Variants in NEBL observed in about 807,000 individuals in gnomAD.
NEBL encodes nebulette.
NEBL carries 122 observed loss-of-function variants against 140.2 expected under a neutral mutation model. That is an observed-to-expected ratio of 0.87 (90% CI 0.75 to 1.01). The LOEUF is 1.01. Among genes scored for constraint, NEBL ranks in the 50% least tolerant of loss-of-function variants. The probability of loss-of-function intolerance (pLI) is 0.00; values close to 1 mark genes in which losing one functional copy is unlikely to be tolerated. For missense variants in NEBL, 1,365 were observed against 1,231.3 expected, an observed-to-expected ratio of 1.11 and a Z score of -1.62; for synonymous variants, 436 against 398.9, an observed-to-expected ratio of 1.09 and a Z score of -1.11.
chr10:21,185,657 T>A (rs554675005), intron 3 of NEBL, among the ~76,000 whole-genome samples: 2 of 151,564 alleles, frequency 1.3e-5, no homozygotes, highest in Non-Finnish European at 2.9e-5. Context: ...CCACCACACC[T>A]GGCTAATTTT....
At chr10:20,862,159 C>T (rs788991) in intron 7 of NEBL, among the ~76,000 whole-genome samples, 138,815 of 152,228 alleles carry the variant, frequency 0.91, 64,206 homozygotes, top group Non-Finnish European at 1. Flanking sequence ...CAGTCTTAAA[C>T]TGAACCACTA....
intron 4 of NEBL, among the ~76,000 whole-genome samples, chr10:20,946,418 C>G (rs1277945308): frequency 1.3e-5 from 2 of 152,110 alleles, no homozygotes; most frequent in African/African-American, 4.8e-5. Context: ...ATTTCTTGAG[C>G]CAGGAGTAGC....
chr10:20,935,409 T>A (rs1462804666), intron 4 of NEBL, among the ~76,000 whole-genome samples: 2 of 152,184 alleles, frequency 1.3e-5, no homozygotes, highest in Non-Finnish European at 2.9e-5. Context: ...CATCTCTTCA[T>A]CGAATTCACT....
chr10:20,836,712 G>A (rs184130959), intron 13 of NEBL, among the ~76,000 whole-genome samples: 101 of 152,188 alleles, frequency 6.6e-4, no homozygotes, highest in African/African-American at 2.3e-3. Context: ...ACTGTGAGGT[G>A]GGAAGCACTC....
chr10:21,262,632 T>C (rs1842753618), intron 1 of NEBL, among the ~76,000 whole-genome samples: 1 of 152,204 alleles, frequency 6.6e-6, no homozygotes, highest in South Asian at 2.1e-4. Context: ...AAGGTCACAA[T>C]TTTTAAAAGA....
intron 2 of NEBL, among the ~76,000 whole-genome samples, chr10:21,137,464 G>A (rs1185638588): frequency 6.6e-6 from 1 of 152,170 alleles, no homozygotes; most frequent in Non-Finnish European, 1.5e-5. Context: ...GTTTTGCCCT[G>A]GGCAAGTAGA....
intron 1 of NEBL, among the ~76,000 whole-genome samples, chr10:21,285,985 T>C (rs1436001774): frequency 1.3e-5 from 2 of 152,226 alleles, no homozygotes; most frequent in Admixed American, 6.5e-5. Flanking sequence ...CCACATTCCA[T>C]GCGGGGCTCA....
chr10:21,095,887 T>C (rs1837164087), intron 2 of NEBL, among the ~76,000 whole-genome samples: 1 of 152,196 alleles, frequency 6.6e-6, no homozygotes, highest in Non-Finnish European at 1.5e-5. Flanking sequence ...TAAGAAAACC[T>C]GGGTTCTGAG....
At chr10:20,990,878 C>T (rs73607568) in intron 3 of NEBL, among the ~76,000 whole-genome samples, 1,719 of 152,262 alleles carry the variant, frequency 0.011, 33 homozygotes, top group African/African-American at 0.04. Context: ...TTTCTCATTA[C>T]CAATCTGACT....
chr10:21,116,993 T>C (rs1838313860), intron 2 of NEBL, among the ~76,000 whole-genome samples: 2 of 152,092 alleles, frequency 1.3e-5, no homozygotes, highest in Admixed American at 6.6e-5. Flanking sequence ...TAATTTTTAT[T>C]GGATTTCAGA....
intron 2 of NEBL, among the ~76,000 whole-genome samples, chr10:21,035,421 C>T (rs771475428): frequency 1.3e-5 from 2 of 152,008 alleles, no homozygotes; most frequent in East Asian, 1.9e-4. Flanking sequence ...ACTGTGACCC[C>T]GACTATTCTC....
At chr10:21,029,541 T>C in intron 2 of NEBL, 2 of 1,607,524 alleles carry the variant, frequency 1.2e-6, no homozygotes, top group Non-Finnish European at 1.7e-6. Flanking sequence ...ACAGGGACGA[T>C]CGTTCTTTTG....
intron 26 of NEBL, among the ~76,000 whole-genome samples, chr10:20,801,557 G>T (rs1429510759): frequency 6.6e-6 from 1 of 152,008 alleles, no homozygotes; most frequent in East Asian, 1.9e-4. Flanking sequence ...TGAGCACAAT[G>T]GTTTTATGCA....
At chr10:21,151,619 G>A (rs891062814) in intron 2 of NEBL, among the ~76,000 whole-genome samples, 12 of 152,140 alleles carry the variant, frequency 7.9e-5, no homozygotes, top group Admixed American at 5.9e-4. Context: ...CCCTGTAATG[G>A]TTTACAGGCC....
At chr10:21,070,438 A>AT (rs1365122658) in intron 2 of NEBL, among the ~76,000 whole-genome samples, 1 of 152,102 alleles carries the variant, frequency 6.6e-6, no homozygotes, top group East Asian at 1.9e-4. Flanking sequence ...TCACGTATGT[A>AT]TTTTTTCATT....
intron 4 of NEBL, among the ~76,000 whole-genome samples, chr10:20,883,812 T>C (rs1436456395): frequency 6.6e-6 from 1 of 152,250 alleles, no homozygotes; most frequent in Non-Finnish European, 1.5e-5. Context: ...TGTAATTTTC[T>C]ACTTGCAGCA....
At chr10:20,995,385 C>T (rs1287510597) in intron 3 of NEBL, among the ~76,000 whole-genome samples, 1 of 152,104 alleles carries the variant, frequency 6.6e-6, no homozygotes. Context: ...GTCACCTTTT[C>T]GGTGCAGGAC....
At chr10:21,117,589 G>T (rs1044296121) in intron 2 of NEBL, among the ~76,000 whole-genome samples, 1 of 152,160 alleles carries the variant, frequency 6.6e-6, no homozygotes, top group African/African-American at 2.4e-5. Flanking sequence ...TTCTCTGAAA[G>T]GTCACTGTCT....
chr10:20,881,123 G>T (rs1845975774), intron 4 of NEBL, among the ~76,000 whole-genome samples: 1 of 152,020 alleles, frequency 6.6e-6, no homozygotes, highest in South Asian at 2.1e-4. Context: ...AAATGTCCTT[G>T]ACCAAAGATG....
Sources: allele counts gnomAD v4.1 joint callset (sites outside exome capture counted in the v4.1 genomes callset), GRCh38; gene constraint gnomAD v4.1.1; transcripts MANE v1.5; gene names NCBI Gene and HGNC (gene_info 2026-07-23, HGNC 2026-07-21).